The following ZNF292 variants were observed in gnomAD, a reference collection of about 807,000 sequenced individuals.
ZNF292 encodes 16 zinc-finger domain protein.
A neutral mutation model predicts 217.9 loss-of-function variants in ZNF292; 26 were observed. The ratio of observed to expected loss-of-function variants is 0.12; its 90% CI spans 0.09 to 0.17. ZNF292 has a LOEUF of 0.17. ZNF292 is among the 10% of genes least tolerant of loss of function. ZNF292 has a pLI of 1.00. For synonymous variants in ZNF292, 1,257 were observed against 1,124.1 expected (o/e 1.12, Z -2.37); for missense variants, 2,904 against 3,175.2 (o/e 0.91, Z 2.05).
At chr6:87,237,875 T>A (rs1425668007) in intron 5 of ZNF292, among the ~76,000 whole-genome samples, 1 of 152,190 alleles carries the variant, frequency 6.6e-6, no homozygotes, top group East Asian at 1.9e-4. Flanking sequence ...AATCTCTGAA[T>A]TTTGCTTCTT....
Position 87,258,071 on chromosome 6 carries a change from G to C in ZNF292, c.4442G>C (p.Ser1481Thr), listed in dbSNP as rs1775335054. 1.9e-6 allele frequency: 3 copies of C among 1,613,560 alleles called. No individual in the cohort carries two copies. The highest frequency in any genetic ancestry group is 2.5e-6 in the Non-Finnish European group (3 of 1,179,804). The change falls in exon 8 of 8, where the codon AGT becomes ACT. Residue 1481 changes from serine to threonine, a missense_variant. Physicochemically the swap from Ser to Thr is moderately conservative, Grantham distance 58. This residue lies in a region of ZNF292 where 622 missense variants were observed against 573.1 expected (regional missense o/e 1.09). Transcript: ENST00000369577. Reference sequence around the variant, plus strand: ...TCTGGTGTGACTAACTTTAATACCAGTGTCAGTCAAGAAGGTAGTGAAATT... The same window carrying C: ...TCTGGTGTGACTAACTTTAATACCACTGTCAGTCAAGAAGGTAGTGAAATT... ...PRSGVTNFNT[S>T]VSQEGSEIIK...
intron 1 of ZNF292, chr6:87,174,066 A>G: frequency 4.5e-6 from 1 of 223,468 alleles, no homozygotes; most frequent in Non-Finnish European, 9.2e-6. Context: ...GTTATATGCA[A>G]TGGGGACACC....
At chr6:87,187,619 G>A (rs1416950487) in intron 1 of ZNF292, among the ~76,000 whole-genome samples, 5 of 151,676 alleles carry the variant, frequency 3.3e-5, no homozygotes. Flanking sequence ...GGAGGCTGAG[G>A]TGGGAGGATC....
chr6:87,155,814 C>G, intron 1 of ZNF292, 55 bp downstream of exon 1: 2 of 1,489,848 alleles, frequency 1.3e-6, no homozygotes, highest in Non-Finnish European at 1.8e-6. Flanking sequence ...GGGAAGAGGG[C>G]GAGCGAGCGC....
At chr6:87,241,278 C>T (rs1010171581) in intron 5 of ZNF292, among the ~76,000 whole-genome samples, 9 of 151,448 alleles carry the variant, frequency 5.9e-5, no homozygotes, top group South Asian at 2.1e-4. Context: ...AGCAAGACTC[C>T]GTCTCATAAA....
intron 1 of ZNF292, among the ~76,000 whole-genome samples, chr6:87,173,104 A>G (rs1771160215): frequency 6.6e-6 from 1 of 152,088 alleles, no homozygotes; most frequent in Non-Finnish European, 1.5e-5. Flanking sequence ...AAGAGTTGAG[A>G]GTGACAGCAG....
In ZNF292 at chr6:87,160,511, G is replaced by A. The variant is rs199604918; in HGVS notation, c.168+4752G>A. 2.1e-4 allele frequency among the ~76,000 whole-genome samples: 14 copies of A among 67,964 alleles called. No individual in the cohort carries two copies. The East Asian group carries it at 2.6e-3, about 13-fold the overall frequency. 44.6% of individuals were successfully genotyped at this position (67,964 alleles called of 152,430 possible). A position where few individuals can be genotyped will look rare whatever the true frequency, so the allele number is the denominator to read the frequency against. On this transcript the variant is annotated intron_variant, in intron 1 of 7. Coordinates refer to ENST00000369577, the MANE Select transcript of ZNF292 (RefSeq NM_015021.3). ...TATATATGTGTGTGTGTGTGTGTGT[G>A]TGTATATATATGCAAGGACCTAGGT...
intron 1 of ZNF292, among the ~76,000 whole-genome samples, chr6:87,180,739 G>A (rs1293027822): frequency 6.6e-6 from 1 of 152,242 alleles, no homozygotes; most frequent in African/African-American, 2.4e-5. Flanking sequence ...ATTCCAATAA[G>A]GCCTGAACCC....
chr6:87,265,798 G>C lies in ZNF292; in HGVS notation c.*3997G>C, dbSNP rs1775785648. Among the ~76,000 whole-genome samples the C allele has an allele frequency of 6.6e-6, 1 of 152,126 alleles. No individual in the cohort carries two copies. The highest frequency in any genetic ancestry group is 1.5e-5 in the Non-Finnish European group (1 of 68,010). On this transcript the variant is annotated 3_prime_UTR_variant, in exon 8 of 8. Transcript: ENST00000369577. The stretch of plus-strand genomic sequence containing the variant: ...TTTGCAAATGGTGATTATTCTGATT[G>C]ATCAATTTATATATCCCAATGGGTT...
intron 4 of ZNF292, among the ~76,000 whole-genome samples, chr6:87,226,607 A>T (rs908456975): frequency 5.4e-5 from 8 of 148,786 alleles, no homozygotes; most frequent in African/African-American, 2.0e-4. Flanking sequence ...CTCCTAGACA[A>T]GGACATTATT....
chr6:87,171,918 T>C (rs1008875019), intron 1 of ZNF292, among the ~76,000 whole-genome samples: 2 of 152,242 alleles, frequency 1.3e-5, no homozygotes, highest in African/African-American at 2.4e-5. Context: ...AACATACTTA[T>C]TATTGAACAT....
At chr6:87,207,743 CAATT>C (rs1279716302) in intron 1 of ZNF292, among the ~76,000 whole-genome samples, 1 of 152,098 alleles carries the variant, frequency 6.6e-6, no homozygotes, top group African/African-American at 2.4e-5. Context: ...AATTCTCCCT[CAATT>C]GTTTAAATCT....
chr6:87,238,209 C>T lies in ZNF292; in HGVS notation c.741+4682C>T, dbSNP rs946926918. Among the ~76,000 whole-genome samples the T allele has an allele frequency of 3.3e-5, 5 of 152,022 alleles. No individual in the cohort carries two copies. In the East Asian group the frequency reaches 5.8e-4, roughly 18 times the overall value. On this transcript the variant is annotated intron_variant, in intron 5 of 7. Transcript: ENST00000369577. ...TTTTAAATATTAAGAGTAAGCTGGGCGGGTGCAGTGGCTCACACCTTAATT... is the reference window on the plus strand; with the variant it reads ...TTTTAAATATTAAGAGTAAGCTGGGTGGGTGCAGTGGCTCACACCTTAATT...
intron 1 of ZNF292, among the ~76,000 whole-genome samples, chr6:87,203,352 AT>A (rs947078656): frequency 4.6e-5 from 7 of 151,794 alleles, no homozygotes; most frequent in African/African-American, 1.7e-4. Context: ...CGTGTTGCCC[AT>A]GCTGATCTTG....
chr6:87,214,956 C>T (rs1772670495), intron 1 of ZNF292: 1 of 151,224 alleles, frequency 6.6e-6, no homozygotes, highest in Admixed American at 6.6e-5. Flanking sequence ...AGGATACAGG[C>T]CCTCAGGAAA....
chr6:87,261,845 A>G lies in ZNF292; in HGVS notation c.*44A>G, dbSNP rs758128445. On this transcript the variant is annotated 3_prime_UTR_variant, in exon 8 of 8. Coordinates refer to ENST00000369577, the MANE Select transcript of ZNF292 (RefSeq NM_015021.3). Reference sequence around the variant, plus strand: ...TACATCATTTACCATTTTATTTTAAATAGGAAGCCATCAAGCATGCTAGAA... The same window carrying G: ...TACATCATTTACCATTTTATTTTAAGTAGGAAGCCATCAAGCATGCTAGAA... 1.5e-6 allele frequency: 2 copies of G among 1,300,780 alleles called. No homozygotes were observed. The highest frequency in any genetic ancestry group is 2.5e-5 in the Admixed American group (1 of 40,342). The allele number at this position is 1,300,780 out of a possible 1,614,324, so 80.6% of individuals were successfully genotyped here.
intron 1 of ZNF292, among the ~76,000 whole-genome samples, chr6:87,157,386 AT>A (rs1770578394): frequency 6.6e-6 from 1 of 152,196 alleles, no homozygotes. Context: ...TTAAAGATTT[AT>A]TTTAGAGATA....
Position 87,258,252 on chromosome 6 carries a change from C to T in ZNF292, c.4623C>T (p.Cys1541=). The part of the protein sequence containing the change: ...PTVPPLLHTV[C]HPNTLLTNQN... ...TACCACCCCTGTTGCACACTGTATG[C>T]CATCCAAACACCTTGCTGACCAACC... Residue 1541 remains cysteine, a synonymous_variant, in exon 8 of 8, where the codon TGC becomes TGT. Coordinates refer to ENST00000369577, the MANE Select transcript of ZNF292 (RefSeq NM_015021.3). The T allele has an allele frequency of 6.2e-7, 1 of 1,612,892 alleles. No individual in the cohort carries two copies. Among genetic ancestry groups the T allele is most frequent in the South Asian group, 1.1e-5 (1 of 90,876 alleles).
rs1321299268 is a variant in ZNF292 at position 87,261,182 on chromosome 6, ACCTCT to A, written c.7554_7558del (p.Asn2518LysfsTer10). On this transcript the variant is annotated frameshift_variant, in exon 8 of 8. Coordinates refer to ENST00000369577, the MANE Select transcript of ZNF292 (RefSeq NM_015021.3). LOFTEE classifies it high-confidence loss of function. ...GTAAGTAATGATTTTCAGGAAGATA[ACCTCT>A]GCCAGTCAGAAAGACAAAAAGCAAG... 1.2e-6 allele frequency: 2 copies of A among 1,612,968 alleles called. No homozygotes were observed. Among genetic ancestry groups the A allele is most frequent in the African/African-American group, 2.7e-5 (2 of 74,880 alleles).
Sources: allele counts gnomAD v4.1 joint callset (sites outside exome capture counted in the v4.1 genomes callset), GRCh38; gene constraint gnomAD v4.1.1; regional missense constraint gnomAD v4.1.1; transcripts MANE v1.5; gene names NCBI Gene and HGNC (gene_info 2026-07-23, HGNC 2026-07-21).